Variants in PTPRD observed in about 807,000 individuals in gnomAD.
PTPRD encodes receptor-type tyrosine-protein phosphatase delta.
In PTPRD, 34 loss-of-function variants were observed where a neutral mutation model predicts 214.5. That is an observed-to-expected ratio of 0.16 (90% CI 0.12 to 0.21). The LOEUF (loss-of-function observed/expected upper bound fraction) is 0.21, where lower values mean the gene tolerates loss of function less well. Among genes scored for constraint, PTPRD ranks in the 10% least tolerant of loss-of-function variants. The pLI, the probability that PTPRD is intolerant of heterozygous loss-of-function variation, is 1.00. For synonymous variants in PTPRD, 1,128 were observed against 845.7 expected, an observed-to-expected ratio of 1.33 and a Z score of -5.79; for missense variants, 2,545 against 2,398.7, an observed-to-expected ratio of 1.06 and a Z score of -1.27.
In PTPRD at chr9:9,870,584, A is replaced by T. The variant is rs569694833; in HGVS notation, c.-368+67923T>A. ...TGTTGAGATAATTATAGTAATTTCT[A>T]TAAGAATTACTTATTATTTATATTA... On this transcript the variant is annotated intron_variant, in intron 5 of 45. Coordinates refer to ENST00000381196, the MANE Select transcript of PTPRD (RefSeq NM_002839.4). 2.4e-4 allele frequency among the ~76,000 whole-genome samples: 37 copies of T among 152,156 alleles called. No homozygotes were observed. The East Asian group carries it at 6.7e-3, about 28-fold the overall frequency.
chr9:10,577,177 A>C (rs1031053478), intron 2 of PTPRD, among the ~76,000 whole-genome samples: 2 of 152,198 alleles, frequency 1.3e-5, no homozygotes, highest in African/African-American at 4.8e-5. Context: ...TCATTGTTTA[A>C]CAAGGATATC....
At chr9:9,773,922 A>AT (rs1202238699) in intron 5 of PTPRD, among the ~76,000 whole-genome samples, 1 of 152,044 alleles carries the variant, frequency 6.6e-6, no homozygotes, top group Admixed American at 6.5e-5. Flanking sequence ...TCTTTAAATT[A>AT]TTTTTCCACC....
chr9:8,983,418 A>G (rs570051383), intron 11 of PTPRD, among the ~76,000 whole-genome samples: 2 of 152,224 alleles, frequency 1.3e-5, no homozygotes, highest in South Asian at 4.1e-4. Flanking sequence ...TAGTAATAGC[A>G]AGAGTCTCAA....
At chr9:8,594,112 GT>G (rs139341372) in intron 14 of PTPRD, among the ~76,000 whole-genome samples, 256 of 152,258 alleles carry the variant, frequency 1.7e-3, no homozygotes, top group African/African-American at 5.6e-3. Flanking sequence ...TAATTCTAGT[GT>G]TTGCTTTTTT....
chr9:9,122,824 TCTC>T (rs149914869), intron 10 of PTPRD, among the ~76,000 whole-genome samples: 3,595 of 152,270 alleles, frequency 0.024, 73 homozygotes, highest in East Asian at 0.071. Flanking sequence ...GGAAAACTCA[TCTC>T]CTCCCTGGAT....
At chr9:8,528,245 T>G (rs1395322704) in intron 15 of PTPRD, 1 of 427,102 alleles carries the variant, frequency 2.3e-6, no homozygotes, top group East Asian at 3.5e-5. Flanking sequence ...TGAAATAAAT[T>G]TGTTTCAAAA....
chr9:9,515,237 C>G (rs1005039015), intron 8 of PTPRD, among the ~76,000 whole-genome samples: 1 of 152,084 alleles, frequency 6.6e-6, no homozygotes, highest in South Asian at 2.1e-4. Context: ...TGCCTCCGCA[C>G]ATACCATATA....
chr9:9,693,578 G>A (rs954195933), intron 7 of PTPRD, among the ~76,000 whole-genome samples: 2 of 152,066 alleles, frequency 1.3e-5, no homozygotes, highest in African/African-American at 2.4e-5. Context: ...TCTTATTTAG[G>A]TTAAGTATGC....
chr9:9,075,134 G>C (rs994805535), intron 10 of PTPRD, among the ~76,000 whole-genome samples: 1 of 151,936 alleles, frequency 6.6e-6, no homozygotes, highest in African/African-American at 2.4e-5. Flanking sequence ...TTGATAATCT[G>C]TGTTTAAAAA....
At chr9:8,994,968 C>A (rs1413206576) in intron 11 of PTPRD, among the ~76,000 whole-genome samples, 1 of 152,038 alleles carries the variant, frequency 6.6e-6, no homozygotes, top group Non-Finnish European at 1.5e-5. Context: ...ATTTTCAAAT[C>A]TCCCCAAATC....
At chr9:10,097,614 C>T (rs1384825954) in intron 3 of PTPRD, among the ~76,000 whole-genome samples, 1 of 151,656 alleles carries the variant, frequency 6.6e-6, no homozygotes, top group Non-Finnish European at 1.5e-5. Flanking sequence ...GCTGAAGTTG[C>T]TTATCAGCTT....
chr9:10,565,267 G>T (rs184823858), intron 2 of PTPRD, among the ~76,000 whole-genome samples: 2 of 152,094 alleles, frequency 1.3e-5, no homozygotes, highest in African/African-American at 4.8e-5. Context: ...ATTAGATTAT[G>T]AAAATAAAAT....
At chr9:10,328,808 C>G (rs931105635) in intron 3 of PTPRD, among the ~76,000 whole-genome samples, 3 of 151,628 alleles carry the variant, frequency 2.0e-5, no homozygotes, top group African/African-American at 7.3e-5. Flanking sequence ...AAAGTAATTC[C>G]TTTTGGTTTT....
At chr9:8,475,310 TCTGAGCC>T (rs2096741170) in intron 30 of PTPRD, among the ~76,000 whole-genome samples, 1 of 152,186 alleles carries the variant, frequency 6.6e-6, no homozygotes, top group African/African-American at 2.4e-5. Context: ...CATGAAACAT[TCTGAGCC>T]CTTTCTCTGT....
chr9:9,039,115 C>G (rs2099631358), intron 10 of PTPRD, among the ~76,000 whole-genome samples: 1 of 152,090 alleles, frequency 6.6e-6, no homozygotes, highest in Admixed American at 6.5e-5. Context: ...TTTCATACAA[C>G]AAGCTATACA....
At chr9:10,357,467 G>C (rs1036837902) in intron 2 of PTPRD, among the ~76,000 whole-genome samples, 1 of 152,146 alleles carries the variant, frequency 6.6e-6, no homozygotes, top group Non-Finnish European at 1.5e-5. Flanking sequence ...CCTCTGTTCA[G>C]TGCCAGTAAA....
intron 2 of PTPRD, among the ~76,000 whole-genome samples, chr9:10,453,377 C>A (rs1369574751): frequency 6.6e-6 from 1 of 151,516 alleles, no homozygotes; most frequent in Non-Finnish European, 1.5e-5. Flanking sequence ...AGATATTGAA[C>A]TGATCTGTAT....
At chr9:9,629,022 A>C (rs1272364766) in intron 7 of PTPRD, among the ~76,000 whole-genome samples, 1 of 151,088 alleles carries the variant, frequency 6.6e-6, no homozygotes, top group African/African-American at 2.4e-5. Context: ...AAATACAAAA[A>C]AATTAGCCAG....
In PTPRD at chr9:9,861,920, GT is replaced by G. The variant is rs375030018; in HGVS notation, c.-368+76586del. ...GATTATAATAGCAGCATATGCTCTG[GT>G]TAAAGAATTTGCCATGTGAAACTCA... On this transcript the variant is annotated intron_variant, in intron 5 of 45. Coordinates refer to ENST00000381196, the MANE Select transcript of PTPRD (RefSeq NM_002839.4). Among the ~76,000 whole-genome samples the G allele has an allele frequency of 5.1e-3, 774 of 152,206 alleles. 8 individuals are homozygous for G. The highest frequency in any genetic ancestry group is 0.018 in the African/African-American group (742 of 41,528).
Sources: gnomAD v4.1 joint callset for allele counts (sites outside exome capture counted in the v4.1 genomes callset) on GRCh38, gnomAD v4.1.1 for gene constraint, MANE v1.5 for transcripts, NCBI Gene and HGNC (gene_info 2026-07-23, HGNC 2026-07-21) for gene names.